Variants in ADAMTSL3 observed in about 807,000 individuals in gnomAD.
ADAMTSL3 encodes ADAMTS-like protein 3.
A neutral mutation model predicts 201.7 loss-of-function variants in ADAMTSL3; 128 were observed. The ratio of observed to expected loss-of-function variants is 0.63; its 90% confidence interval spans 0.55 to 0.73. The LOEUF (loss-of-function observed/expected upper bound fraction) is 0.73, where lower values mean the gene tolerates loss of function less well. ADAMTSL3 is among the 30% of genes least tolerant of loss of function. ADAMTSL3 has a pLI of 0.00. For synonymous variants in ADAMTSL3, 738 were observed against 748.4 expected (o/e 0.99, Z 0.23); for missense variants, 1,990 against 2,119.6 (o/e 0.94, Z 1.20).
intron 6 of ADAMTSL3, among the ~76,000 whole-genome samples, chr15:83,828,803 T>G (rs949468731): frequency 3.3e-5 from 5 of 152,168 alleles, no homozygotes; most frequent in African/African-American, 1.2e-4. Context: ...TTTGTCTTTG[T>G]TTCTGTTTAT....
intron 6 of ADAMTSL3, among the ~76,000 whole-genome samples, chr15:83,826,311 T>G (rs57609708): frequency 0.1 from 15,315 of 152,000 alleles, 977 homozygotes; most frequent in East Asian, 0.32. Context: ...TTTGTAGAGA[T>G]CAGGTCTCAC....
chr15:83,991,841 A>T (rs887827880), intron 23 of ADAMTSL3, among the ~76,000 whole-genome samples: 1 of 152,166 alleles, frequency 6.6e-6, no homozygotes, highest in Admixed American at 6.5e-5. Flanking sequence ...ATCCTGTCTC[A>T]TTAAGCCATG....
chr15:83,810,603 A>G (rs1171475244), intron 5 of ADAMTSL3, among the ~76,000 whole-genome samples: 2 of 152,362 alleles, frequency 1.3e-5, no homozygotes, highest in South Asian at 4.1e-4. Context: ...GCAGGGCTAC[A>G]TCATTCTGGA....
chr15:83,904,790 T>C (rs1459921058), intron 15 of ADAMTSL3, among the ~76,000 whole-genome samples: 1 of 152,220 alleles, frequency 6.6e-6, no homozygotes, highest in Non-Finnish European at 1.5e-5. Flanking sequence ...TCGTTTTTCA[T>C]ATACAAAAAC....
At chr15:83,709,083 G>A (rs2141523391) in intron 3 of ADAMTSL3, among the ~76,000 whole-genome samples, 1 of 152,194 alleles carries the variant, frequency 6.6e-6, no homozygotes, top group East Asian at 1.9e-4. Context: ...GAGCTTTGGG[G>A]ATCTTAATAG....
chr15:83,679,159 T>C (rs995008232), intron 2 of ADAMTSL3, among the ~76,000 whole-genome samples: 1 of 152,032 alleles, frequency 6.6e-6, no homozygotes, highest in Admixed American at 6.6e-5. Flanking sequence ...AGATATTGCG[T>C]TTTCAGTTCT....
At chr15:83,798,045 A>G (rs931926917) in intron 4 of ADAMTSL3, among the ~76,000 whole-genome samples, 1 of 152,198 alleles carries the variant, frequency 6.6e-6, no homozygotes, top group Non-Finnish European at 1.5e-5. Flanking sequence ...CTAAAAGTGA[A>G]TGAATTAGAG....
chr15:84,027,852 T>G (rs1226128404), intron 27 of ADAMTSL3, among the ~76,000 whole-genome samples: 1 of 151,578 alleles, frequency 6.6e-6, no homozygotes, highest in African/African-American at 2.4e-5. Context: ...ATAAAAAAAA[T>G]GGAAACAATT....
chr15:83,804,628 T>C, intron 4 of ADAMTSL3, 22 bp from the exon 5 acceptor site: 1 of 1,486,446 alleles, frequency 6.7e-7, no homozygotes, highest in South Asian at 1.3e-5. Context: ...ATTTCTTCTT[T>C]CTTCTTTCTT....
At chr15:83,965,134 C>T (rs1451677128) in intron 19 of ADAMTSL3, among the ~76,000 whole-genome samples, 1 of 152,146 alleles carries the variant, frequency 6.6e-6, no homozygotes, top group Non-Finnish European at 1.5e-5. Context: ...AAATAACCAG[C>T]TAGCATCATC....
intron 3 of ADAMTSL3, among the ~76,000 whole-genome samples, chr15:83,753,626 T>G (rs2062673180): frequency 6.6e-6 from 1 of 152,174 alleles, no homozygotes; most frequent in African/African-American, 2.4e-5. Flanking sequence ...AGAATTTTTT[T>G]GAAAACTTGA....
At chr15:83,722,092 G>T (rs1286611584) in intron 3 of ADAMTSL3, among the ~76,000 whole-genome samples, 1 of 152,136 alleles carries the variant, frequency 6.6e-6, no homozygotes, top group Non-Finnish European at 1.5e-5. Flanking sequence ...CATGAGGCAG[G>T]ACAGACTGAG....
At chr15:83,972,109 T>C (rs2067208150) in intron 20 of ADAMTSL3, among the ~76,000 whole-genome samples, 1 of 152,080 alleles carries the variant, frequency 6.6e-6, no homozygotes. Flanking sequence ...GTGAGGCAGA[T>C]ACTATCTCCA....
At position 83,669,453 on chromosome 15, in the gene ADAMTSL3, G is replaced by GTT. The variant is rs71156089; in HGVS notation, c.69+13654_69+13655dup. The stretch of plus-strand genomic sequence containing the variant: ...GCCACTGCACCTGGCCGGGAGTGAG[G>GTT]TTTTTTTTTTTTTTTTTTTTTTTTT... On this transcript the variant is annotated intron_variant, in intron 2 of 29. Coordinates refer to ENST00000286744, the MANE Select transcript of ADAMTSL3 (RefSeq NM_207517.3). Among the ~76,000 whole-genome samples, 90 of 56,926 alleles carry GTT rather than the reference G, an allele frequency of 1.6e-3. 2 individuals are homozygous for GTT. Among genetic ancestry groups the GTT allele is most frequent in the Non-Finnish European group, 2.1e-3 (71 of 34,304 alleles). The allele number at this position is 56,926 out of a possible 152,430, so 37.3% of individuals were successfully genotyped here. A position where few individuals can be genotyped will look rare whatever the true frequency, so the allele number is the denominator to read the frequency against.
chr15:83,730,216 A>T (rs941412504), intron 3 of ADAMTSL3, among the ~76,000 whole-genome samples: 1 of 152,116 alleles, frequency 6.6e-6, no homozygotes, highest in Non-Finnish European at 1.5e-5. Context: ...ACTGAAATTA[A>T]AAACCTGATG....
intron 2 of ADAMTSL3, among the ~76,000 whole-genome samples, chr15:83,685,878 C>A (rs765240662): frequency 1.1e-4 from 16 of 152,088 alleles, no homozygotes; most frequent in Non-Finnish European, 1.6e-4. Context: ...TTTTATCTTC[C>A]CTGAGGACAG....
chr15:83,941,823 T>C (rs1364812560), intron 17 of ADAMTSL3, among the ~76,000 whole-genome samples: 2 of 152,242 alleles, frequency 1.3e-5, no homozygotes, highest in Non-Finnish European at 2.9e-5. Context: ...GATGTATCTC[T>C]ACAGTAACTA....
chr15:83,773,712 G>T, intron 4 of ADAMTSL3, 62 bp downstream of exon 4: 11 of 1,549,612 alleles, frequency 7.1e-6, no homozygotes, highest in Non-Finnish European at 9.6e-6. Context: ...GATGGGTGGA[G>T]AGGAGAGATA....
chr15:83,919,063 C>T (rs1596405341), intron 16 of ADAMTSL3, among the ~76,000 whole-genome samples: 2 of 152,244 alleles, frequency 1.3e-5, no homozygotes, highest in South Asian at 4.2e-4. Flanking sequence ...GGTGAGGGAA[C>T]CCATGAGTTC....
Sources: gnomAD v4.1 joint callset for allele counts (sites outside exome capture counted in the v4.1 genomes callset) on GRCh38, gnomAD v4.1.1 for gene constraint, MANE v1.5 for transcripts, NCBI Gene and HGNC (gene_info 2026-07-23, HGNC 2026-07-21) for gene names.